The following STPG2 variants were observed in gnomAD, a reference collection of about 807,000 sequenced individuals.
STPG2 encodes sperm-tail PG-rich repeat-containing protein 2.
A neutral mutation model predicts 54.2 loss-of-function variants in STPG2; 56 were observed. The observed-to-expected ratio is 1.03, with a 90% CI of 0.83 to 1.29. The LOEUF is 1.29. STPG2 is among the 50% of genes most tolerant of loss of function. STPG2 has a pLI of 0.00. For missense variants in STPG2, 596 were observed against 544.9 expected, an observed-to-expected ratio of 1.09 and a Z score of -0.93; for synonymous variants, 200 against 181.8, an observed-to-expected ratio of 1.10 and a Z score of -0.81.
At chr4:98,117,986 G>T (rs1354439817) in intron 3 of STPG2, among the ~76,000 whole-genome samples, 1 of 151,988 alleles carries the variant, frequency 6.6e-6, no homozygotes, top group South Asian at 2.1e-4. Flanking sequence ...TTATTTGCAT[G>T]TCTCAAAATT....
chr4:98,076,828 C>T (rs1433207859), intron 5 of STPG2, among the ~76,000 whole-genome samples: 2 of 152,088 alleles, frequency 1.3e-5, no homozygotes, highest in African/African-American at 4.8e-5. Context: ...AACTAAAAAA[C>T]AGTTCAATTA....
chr4:97,611,013 TTAAAA>T (rs1733717555), intron 10 of STPG2, among the ~76,000 whole-genome samples: 1 of 152,054 alleles, frequency 6.6e-6, no homozygotes. Context: ...AAAATTTGAA[TTAAAA>T]TATTTTCTGG....
intron 5 of STPG2, among the ~76,000 whole-genome samples, chr4:98,047,944 T>G (rs1737189589): frequency 6.6e-6 from 1 of 152,212 alleles, no homozygotes; most frequent in South Asian, 2.1e-4. Context: ...ACAACATTTT[T>G]CCTGATAAAA....
chr4:97,816,557 TGA>T (rs1727917206), intron 9 of STPG2, among the ~76,000 whole-genome samples: 1 of 152,118 alleles, frequency 6.6e-6, no homozygotes. Flanking sequence ...GATATGTCTG[TGA>T]GAGTGTTTCT....
intron 10 of STPG2, among the ~76,000 whole-genome samples, chr4:97,632,518 T>C (rs1044825736): frequency 2.0e-5 from 3 of 152,118 alleles, no homozygotes; most frequent in African/African-American, 4.8e-5. Flanking sequence ...TTCAATAAAA[T>C]ACCTTTTTTT....
At chr4:97,537,683 T>G (rs1369200873) in intron 4 of STPG2, among the ~76,000 whole-genome samples, 1 of 152,176 alleles carries the variant, frequency 6.6e-6, no homozygotes, top group Non-Finnish European at 1.5e-5. Context: ...GTCTGACAGC[T>G]TTGAAGAGAG....
chr4:97,721,976 C>A (rs1202218449), intron 9 of STPG2, among the ~76,000 whole-genome samples: 3 of 151,420 alleles, frequency 2.0e-5, no homozygotes, highest in Non-Finnish European at 4.4e-5. Flanking sequence ...AATAAAAACA[C>A]CAAAGAATGT....
chr4:98,108,025 A>G (rs1487755401), intron 4 of STPG2, among the ~76,000 whole-genome samples: 1 of 152,160 alleles, frequency 6.6e-6, no homozygotes, highest in Non-Finnish European at 1.5e-5. Flanking sequence ...TTCCATATTA[A>G]GAGAGTGAAA....
chr4:97,797,168 A>T (rs1160765612), intron 9 of STPG2, among the ~76,000 whole-genome samples: 4 of 152,172 alleles, frequency 2.6e-5, no homozygotes, highest in Non-Finnish European at 5.9e-5. Flanking sequence ...TCCTAATTGA[A>T]TACCCTTTAT....
intron 10 of STPG2, among the ~76,000 whole-genome samples, chr4:97,600,057 G>A (rs886979345): frequency 6.6e-5 from 10 of 151,928 alleles, no homozygotes; most frequent in African/African-American, 2.4e-4. Flanking sequence ...TGGACACAAA[G>A]GGAAAAACAA....
At chr4:97,726,666 A>C (rs1457007662) in intron 9 of STPG2, among the ~76,000 whole-genome samples, 1 of 151,936 alleles carries the variant, frequency 6.6e-6, no homozygotes, top group Non-Finnish European at 1.5e-5. Flanking sequence ...CTTGCATTCT[A>C]CTTCACTCAT....
chr4:98,119,756 T>C (rs6819177), intron 3 of STPG2, among the ~76,000 whole-genome samples: 59,903 of 151,722 alleles, frequency 0.39, 12,067 homozygotes, highest in Middle Eastern at 0.46. Context: ...CTACCCCCAA[T>C]GGGCCCCAGT....
Position 97,536,351 on chromosome 4 carries a change from T to C in STPG2, c.462+176348A>G, listed in dbSNP as rs377338188. On this transcript the variant is annotated intron_variant, in intron 4 of 4. Coordinates refer to the STPG2 transcript ENST00000522676. ...TGGACCATTGGGGCAGTTTTCCCTA[T>C]GCTGTTCTCATTATAGTGAGGGAGT... is the stretch of plus-strand genomic sequence containing the variant. 1.6e-4 allele frequency among the ~76,000 whole-genome samples: 24 copies of C among 152,246 alleles called. No individual in the cohort carries two copies. In the East Asian group the frequency reaches 1.9e-3, roughly 12 times the overall value.
chr4:97,833,208 G>A (rs772955064), intron 9 of STPG2, among the ~76,000 whole-genome samples: 29 of 152,086 alleles, frequency 1.9e-4, no homozygotes, highest in Admixed American at 1.0e-3. Context: ...ATAACACCAC[G>A]CATCTACAAC....
At chr4:97,481,813 T>G (rs770371027) in intron 4 of STPG2, among the ~76,000 whole-genome samples, 2 of 151,630 alleles carry the variant, frequency 1.3e-5, no homozygotes, top group African/African-American at 2.4e-5. Context: ...TTACTACTTC[T>G]TTTCCAATCA....
At chr4:98,123,171 G>T (rs1214951123) in intron 3 of STPG2, among the ~76,000 whole-genome samples, 1 of 151,936 alleles carries the variant, frequency 6.6e-6, no homozygotes, top group Non-Finnish European at 1.5e-5. Context: ...TTTTTGAAGG[G>T]TTTTTCATGT....
At chr4:97,574,081 T>C (rs1337687461) in intron 10 of STPG2, among the ~76,000 whole-genome samples, 1 of 152,134 alleles carries the variant, frequency 6.6e-6, no homozygotes, top group Non-Finnish European at 1.5e-5. Context: ...TTCCAGGGAT[T>C]AGGGCATGGA....
chr4:97,789,851 G>A (rs1726937435), intron 9 of STPG2, among the ~76,000 whole-genome samples: 1 of 151,996 alleles, frequency 6.6e-6, no homozygotes, highest in African/African-American at 2.4e-5. Flanking sequence ...ACTGAACTTT[G>A]CAAAGACAGC....
chr4:97,985,483 C>T (rs976636133), intron 5 of STPG2, among the ~76,000 whole-genome samples: 3 of 151,984 alleles, frequency 2.0e-5, no homozygotes, highest in African/African-American at 4.8e-5. Flanking sequence ...ATAAAATGCC[C>T]GACAACTCCT....
Sources: allele counts gnomAD v4.1 joint callset (sites outside exome capture counted in the v4.1 genomes callset), GRCh38; gene constraint gnomAD v4.1.1; transcripts MANE v1.5; gene names NCBI Gene and HGNC (gene_info 2026-07-23, HGNC 2026-07-21).